The following ZBBX variants were observed in gnomAD, a reference collection of about 807,000 sequenced individuals.
ZBBX encodes the protein zinc finger B-box domain-containing protein 1.
ZBBX carries 101 observed loss-of-function variants against 108.5 expected under a neutral mutation model. The observed-to-expected ratio is 0.93, with a 90% CI of 0.79 to 1.10. ZBBX has a LOEUF of 1.10. Among genes scored for constraint, ZBBX ranks in the 50% least tolerant of loss-of-function variants. The probability of loss-of-function intolerance (pLI) is 0.00; values close to 1 mark genes in which losing one functional copy is unlikely to be tolerated. For missense variants in ZBBX, 1,009 were observed against 941.4 expected (o/e 1.07, Z -0.94); for synonymous variants, 356 against 323.4 (o/e 1.10, Z -1.08).
intron 9 of ZBBX, among the ~76,000 whole-genome samples, chr3:167,343,993 T>C (rs1741005865): frequency 6.6e-6 from 1 of 151,882 alleles, no homozygotes. Context: ...GATGAATGAA[T>C]AAACAAAATA....
chr3:167,232,686 T>C, the ZBBX span, among the ~76,000 whole-genome samples: 1 of 151,774 alleles, frequency 6.6e-6, no homozygotes, highest in Non-Finnish European at 1.5e-5. Context: ...AAAATTTCAC[T>C]TCAGAGCTTG....
At chr3:167,385,112 T>C (rs760908798), upstream of ZBBX, among the ~76,000 whole-genome samples, 2 of 152,086 alleles carry the variant, frequency 1.3e-5, no homozygotes, top group African/African-American at 4.8e-5. Flanking sequence ...GATGAGGATA[T>C]GTTCTAAGAA....
chr3:167,343,248 C>T (rs1740864418), intron 9 of ZBBX, among the ~76,000 whole-genome samples: 1 of 151,838 alleles, frequency 6.6e-6, no homozygotes. Context: ...AAAATTTCCT[C>T]AGCATAAACA....
chr3:167,297,175 A>G (rs151044527), intron 18 of ZBBX, among the ~76,000 whole-genome samples: 1 of 152,036 alleles, frequency 6.6e-6, no homozygotes, highest in African/African-American at 2.4e-5. Context: ...AAATCAAGTT[A>G]ATTAACATAT....
intron 20 of ZBBX, among the ~76,000 whole-genome samples, chr3:167,274,730 T>A (rs1200310762): frequency 6.6e-6 from 1 of 152,154 alleles, no homozygotes; most frequent in East Asian, 1.9e-4. Flanking sequence ...TCTCACAAGC[T>A]CCACCACTGT....
chr3:167,349,097 T>C (rs1018057523), intron 9 of ZBBX, among the ~76,000 whole-genome samples: 1 of 152,012 alleles, frequency 6.6e-6, no homozygotes, highest in Non-Finnish European at 1.5e-5. Context: ...ATCTTGAAGC[T>C]CAGATACTGA....
chr3:167,405,735 G>A (rs909529869), intron 1 of ZBBX, among the ~76,000 whole-genome samples: 16 of 152,188 alleles, frequency 1.1e-4, no homozygotes, highest in African/African-American at 2.4e-5. Context: ...AAAGCCTATT[G>A]CTTGAGTTGT....
intron 5 of ZBBX, among the ~76,000 whole-genome samples, chr3:167,367,303 A>T (rs1164215407): frequency 6.6e-6 from 1 of 151,908 alleles, no homozygotes; most frequent in Non-Finnish European, 1.5e-5. Context: ...CTAAAATTAC[A>T]GAGGTAGGAA....
intron 20 of ZBBX, among the ~76,000 whole-genome samples, chr3:167,259,574 G>A (rs192411590): frequency 7.3e-4 from 111 of 152,124 alleles, no homozygotes; most frequent in African/African-American, 2.5e-3. Flanking sequence ...TAGAATGTCA[G>A]TTTGTGCTCT....
intron 19 of ZBBX, among the ~76,000 whole-genome samples, chr3:167,284,784 A>C (rs1729423250): frequency 2.0e-5 from 3 of 152,146 alleles, no homozygotes; most frequent in African/African-American, 7.2e-5. Context: ...ACACAGAAAC[A>C]GACAGAAGAG....
At chr3:167,304,752 C>T (rs970656120) in intron 17 of ZBBX, among the ~76,000 whole-genome samples, 1 of 152,046 alleles carries the variant, frequency 6.6e-6, no homozygotes, top group Non-Finnish European at 1.5e-5. Context: ...TTCCTTTCAT[C>T]TTGTTGCACC....
chr3:167,282,405 CGAGGATGA>C lies in ZBBX; in HGVS notation c.2079_2086del (p.His694IlefsTer11). ...TGATTGAGCAGCTGCACTTCTTGAT[CGAGGATGA>C]GAGGATGAAAGGCAACTGGAGCTTT... On this transcript the variant is annotated frameshift_variant, in exon 20 of 22. Coordinates refer to ENST00000675490, the MANE Select transcript of ZBBX (RefSeq NM_001199201.2). LOFTEE classifies it high-confidence loss of function. The C allele has an allele frequency of 6.2e-7, 1 of 1,613,964 alleles. No homozygotes were observed. Among genetic ancestry groups the C allele is most frequent in the Non-Finnish European group, 8.5e-7 (1 of 1,179,970 alleles).
At chr3:167,311,948 G>A (rs1382720237) in intron 16 of ZBBX, among the ~76,000 whole-genome samples, 1 of 152,080 alleles carries the variant, frequency 6.6e-6, no homozygotes, top group South Asian at 2.1e-4. Context: ...ACCCAAATAA[G>A]TTGAAAACTT....
chr3:167,212,988 C>T, the ZBBX span, among the ~76,000 whole-genome samples: 606 of 152,222 alleles, frequency 4.0e-3, 2 homozygotes, highest in African/African-American at 0.014. Flanking sequence ...CAAATAAAGA[C>T]CCTACACAAA....
chr3:167,386,157 AAG>A (rs1294815479), intron 1 of ZBBX, among the ~76,000 whole-genome samples: 2 of 152,104 alleles, frequency 1.3e-5, no homozygotes, highest in Non-Finnish European at 2.9e-5. Context: ...AAGGTAAAAA[AAG>A]AAAAAATAAA....
At chr3:167,252,850 T>C (rs1722852237) in intron 20 of ZBBX, among the ~76,000 whole-genome samples, 1 of 152,224 alleles carries the variant, frequency 6.6e-6, no homozygotes, top group Admixed American at 6.5e-5. Flanking sequence ...CTAGCGTTTG[T>C]ACACTATTGC....
At chr3:167,312,650 C>A (rs1734787655) in intron 16 of ZBBX, among the ~76,000 whole-genome samples, 1 of 152,144 alleles carries the variant, frequency 6.6e-6, no homozygotes, top group Non-Finnish European at 1.5e-5. Flanking sequence ...ATTACATGGG[C>A]ATTTATGTGC....
the ZBBX span, among the ~76,000 whole-genome samples, chr3:167,220,507 C>T: frequency 6.6e-6 from 1 of 151,932 alleles, no homozygotes; most frequent in Non-Finnish European, 1.5e-5. Flanking sequence ...TCAACTGATG[C>T]TGAAAAAGCA....
chr3:167,196,709 A>G, the ZBBX span, among the ~76,000 whole-genome samples: 1 of 152,204 alleles, frequency 6.6e-6, no homozygotes, highest in African/African-American at 2.4e-5. Flanking sequence ...TGACAATAGA[A>G]GCTTCTAGGG....
Sources: allele counts gnomAD v4.1 joint callset (sites outside exome capture counted in the v4.1 genomes callset), GRCh38; gene constraint gnomAD v4.1.1; transcripts MANE v1.5; gene names NCBI Gene and HGNC (gene_info 2026-07-23, HGNC 2026-07-21).